Variants in ANKRD30A observed in about 807,000 individuals in gnomAD.
ANKRD30A encodes the protein ankyrin repeat domain-containing protein 30A.
Under a neutral mutation model 166.3 loss-of-function variants are expected in ANKRD30A, and 170 were observed. The ratio of observed to expected loss-of-function variants is 1.02; its 90% CI spans 0.90 to 1.16. The LOEUF is 1.16. Ranked by LOEUF, ANKRD30A falls within the 50% of genes most tolerant of loss-of-function variation. The pLI, the probability that ANKRD30A is intolerant of heterozygous loss-of-function variation, is 0.00. For missense variants in ANKRD30A, 1,630 were observed against 1,518.0 expected (o/e 1.07, Z -1.23); for synonymous variants, 564 against 508.9 (o/e 1.11, Z -1.46).
chr10:37,255,428 T>C, the ANKRD30A span, among the ~76,000 whole-genome samples: 1 of 152,248 alleles, frequency 6.6e-6, no homozygotes, highest in South Asian at 2.1e-4. Context: ...AAAAAAATGG[T>C]TTTATGGTTT....
At chr10:37,178,942 A>G (rs1839949203) in intron 24 of ANKRD30A, among the ~76,000 whole-genome samples, 1 of 149,962 alleles carries the variant, frequency 6.7e-6, no homozygotes, top group Non-Finnish European at 1.5e-5. Context: ...GACTACTGGA[A>G]TCATGAGGAT....
intron 15 of ANKRD30A, among the ~76,000 whole-genome samples, chr10:37,160,462 T>C (rs1373647511): frequency 6.6e-6 from 1 of 152,150 alleles, no homozygotes; most frequent in Non-Finnish European, 1.5e-5. Context: ...CCCCGGTGTA[T>C]TTGTTGAACT....
rs566541112 is a variant in ANKRD30A, at chr10:37,161,826, A to C, written c.1901-823A>C. The stretch of plus-strand genomic sequence containing the variant: ...TTTTGGTAAAATTGCCATTCCACAA[A>C]AAATTTATTATAGACTAATGATACA... On this transcript the variant is annotated intron_variant, in intron 15 of 35. Transcript: ENST00000361713. Among the ~76,000 whole-genome samples, 3 of 152,324 alleles carry C rather than the reference A, an allele frequency of 2.0e-5. No homozygotes were observed. In the South Asian group the frequency reaches 6.2e-4, roughly 32 times the overall value.
intron 34 of ANKRD30A, among the ~76,000 whole-genome samples, chr10:37,230,763 C>G (rs1047920727): frequency 1.3e-5 from 2 of 151,996 alleles, no homozygotes; most frequent in African/African-American, 4.8e-5. Flanking sequence ...ATAAAAGCAT[C>G]CTTGTGAAAT....
chr10:37,197,078 C>T (rs1841194399), intron 27 of ANKRD30A, among the ~76,000 whole-genome samples: 2 of 152,144 alleles, frequency 1.3e-5, no homozygotes. Flanking sequence ...ACTGCATGAT[C>T]TGTGAAACCT....
At chr10:37,202,648 T>A (rs986863928) in intron 31 of ANKRD30A, among the ~76,000 whole-genome samples, 2 of 151,976 alleles carry the variant, frequency 1.3e-5, no homozygotes, top group Non-Finnish European at 2.9e-5. Flanking sequence ...AGAGCAGAAT[T>A]GAAGGAGATA....
At chr10:37,242,556 G>C in the ANKRD30A span, among the ~76,000 whole-genome samples, 1 of 152,054 alleles carries the variant, frequency 6.6e-6, no homozygotes, top group African/African-American at 2.4e-5. Flanking sequence ...GTTATGACTT[G>C]TTAATATTTT....
Position 37,136,864 on chromosome 10 carries a change from T to C in ANKRD30A, c.820+193T>C, listed in dbSNP as rs548068574. On this transcript the variant is annotated intron_variant, in intron 6 of 35. Coordinates refer to ENST00000361713, the MANE Select transcript of ANKRD30A (RefSeq NM_052997.3). ...ATATATATATATAGCTTTGATTTGA[T>C]TTTTTGGTTTATAATTCAGAATTAG... Among the ~76,000 whole-genome samples, 17 of 151,012 alleles carry C rather than the reference T, an allele frequency of 1.1e-4. No homozygotes were observed. In the South Asian group the frequency reaches 2.7e-3, roughly 24 times the overall value.
chr10:37,219,124 ATT>A lies in ANKRD30A; in HGVS notation c.3415_3416del (p.Leu1139LysfsTer6). 2 of 1,610,036 alleles carry A rather than the reference ATT, an allele frequency of 1.2e-6. No individual in the cohort carries two copies. Among genetic ancestry groups the A allele is most frequent in the Non-Finnish European group, 1.7e-6 (2 of 1,177,274 alleles). ...KENKYFEDIK[I>X]LKEKNAELQM... ...AAATAAATACTTTGAGGACATTAAG[ATT>A]TTAAAAGAAAAGAATGCTGAACTTC... On this transcript the variant is annotated frameshift_variant, in exon 34 of 36. Coordinates refer to ENST00000361713, the MANE Select transcript of ANKRD30A (RefSeq NM_052997.3). LOFTEE classifies it high-confidence loss of function.
At chr10:37,211,661 G>C (rs1010722123) in intron 31 of ANKRD30A, among the ~76,000 whole-genome samples, 9 of 152,072 alleles carry the variant, frequency 5.9e-5, no homozygotes, top group African/African-American at 1.9e-4. Flanking sequence ...TAATGGGATG[G>C]CTGGGTCAAA....
intron 31 of ANKRD30A, among the ~76,000 whole-genome samples, chr10:37,203,125 A>T (rs1165782964): frequency 6.6e-6 from 1 of 152,188 alleles, no homozygotes; most frequent in East Asian, 1.9e-4. Flanking sequence ...ATCCTCCCTA[A>T]CTCATTTTAT....
intron 6 of ANKRD30A, among the ~76,000 whole-genome samples, chr10:37,138,167 C>T (rs528527224): frequency 6.6e-6 from 1 of 152,248 alleles, no homozygotes; most frequent in South Asian, 2.1e-4. Context: ...AGCTGAGGAT[C>T]CTGACTGTTA....
Position 37,219,461 on chromosome 10 carries a change from A to G in ANKRD30A, c.3749A>G (p.His1250Arg), listed in dbSNP as rs934222383. 17 of 1,610,214 alleles carry G rather than the reference A, an allele frequency of 1.1e-5. No individual in the cohort carries two copies. In the African/African-American group the frequency reaches 1.5e-4, roughly 14 times the overall value. Residue 1250 changes from histidine (H) to arginine (R), a missense_variant, in exon 34 of 36, where the codon CAT becomes CGT. His to Arg is a conservative substitution (Grantham distance 29). Coordinates refer to ENST00000361713, the MANE Select transcript of ANKRD30A (RefSeq NM_052997.3). The part of the protein sequence containing the change: ...SSTIYNNEVL[H>R]QPLSEAQRKS... Reference sequence around the variant, plus strand: ...ACGATATATAACAATGAGGTGCTCCATCAACCACTTTCTGAAGCTCAAAGG... The same window carrying G: ...ACGATATATAACAATGAGGTGCTCCGTCAACCACTTTCTGAAGCTCAAAGG...
the ANKRD30A span, among the ~76,000 whole-genome samples, chr10:37,243,611 G>C: frequency 6.6e-6 from 1 of 151,876 alleles, no homozygotes; most frequent in Non-Finnish European, 1.5e-5. Context: ...TGGTCAATAG[G>C]TCTTGGAACT....
In ANKRD30A at chr10:37,232,549, C is replaced by A. The variant is rs1030636283; in HGVS notation, c.*262C>A. 4 of 149,130 alleles carry A rather than the reference C, an allele frequency of 2.7e-5. No homozygotes were observed. Among genetic ancestry groups the A allele is most frequent in the African/African-American group, 9.9e-5 (4 of 40,534 alleles). The allele number at this position is 149,130 out of a possible 1,614,324, so 9.2% of individuals were successfully genotyped here. The stretch of plus-strand genomic sequence containing the variant: ...CCATCTACCCTGATGATGCAGCAGA[C>A]ATCATTCAATCCAACCAGGTGATTT... On this transcript the variant is annotated 3_prime_UTR_variant, in exon 36 of 36. Coordinates refer to ENST00000361713, the MANE Select transcript of ANKRD30A (RefSeq NM_052997.3).
the ANKRD30A span, chr10:37,248,015 TTAAAG>T: frequency 2.9e-6 from 1 of 349,460 alleles, no homozygotes; most frequent in Non-Finnish European, 5.6e-6. Context: ...ACCCCTCAAC[TTAAAG>T]TAAAACTGAA....
intron 32 of ANKRD30A, 114 bp downstream of exon 32, chr10:37,216,508 T>C (rs1254244924): frequency 6.9e-6 from 7 of 1,016,126 alleles, no homozygotes; most frequent in African/African-American, 1.6e-5. Flanking sequence ...AAAAAATGTC[T>C]GTCTTGTAGA....
intron 17 of ANKRD30A, 84 bp from the exon 18 acceptor site, chr10:37,165,010 G>C: frequency 7.2e-7 from 1 of 1,386,808 alleles, no homozygotes; most frequent in Non-Finnish European, 1.0e-6. Flanking sequence ...ACAGATTCGT[G>C]AATGAAAGTA....
chr10:37,167,318 G>T lies in ANKRD30A; in HGVS notation c.2155+623G>T, dbSNP rs1367154437. 1.1e-4 allele frequency among the ~76,000 whole-genome samples: 16 copies of T among 144,502 alleles called. 1 individual carries two copies. The highest frequency in any genetic ancestry group is 6.0e-5 in the Non-Finnish European group (4 of 66,626). 94.8% of individuals were successfully genotyped at this position (144,502 alleles called of 152,430 possible). A position where few individuals can be genotyped will look rare whatever the true frequency, so the allele number is the denominator to read the frequency against. On this transcript the variant is annotated intron_variant, in intron 19 of 35. Transcript: ENST00000361713. ...TATATATATAGATGTGTGCATGTAT[G>T]TATGTTTTTGATGTTCACAATTTGA...
Sources: gnomAD v4.1 joint callset for allele counts (sites outside exome capture counted in the v4.1 genomes callset) on GRCh38, gnomAD v4.1.1 for gene constraint, MANE v1.5 for transcripts, NCBI Gene and HGNC (gene_info 2026-07-23, HGNC 2026-07-21) for gene names.